The following KCNIP1 variants were observed in gnomAD, a reference collection of about 807,000 sequenced individuals.
KCNIP1 encodes potassium voltage-gated channel interacting protein 1, also known as A-type potassium channel modulatory protein KCNIP1.
Under a neutral mutation model 33.0 loss-of-function variants are expected in KCNIP1, and 18 were observed. The ratio of observed to expected loss-of-function variants is 0.55; its 90% CI spans 0.38 to 0.81. The LOEUF is 0.81. Ranked by LOEUF, KCNIP1 falls within the 30% of genes least tolerant of loss-of-function variation. KCNIP1 has a pLI of 0.00. For synonymous variants in KCNIP1, 93 were observed against 98.3 expected (o/e 0.95, Z 0.32); for missense variants, 238 against 271.6 (o/e 0.88, Z 0.87).
rs747108140 is a variant in KCNIP1, at chr5:170,722,686, T to C, written c.328-27T>C. The C allele has an allele frequency of 3.4e-6, 5 of 1,473,448 alleles. No individual in the cohort carries two copies. The Admixed American group carries it at 5.0e-5, about 15-fold the overall frequency. The allele number at this position is 1,473,448 out of a possible 1,614,324, so 91.3% of individuals were successfully genotyped here. A position where few individuals can be genotyped will look rare whatever the true frequency, so the allele number is the denominator to read the frequency against. ...CACTGTCTGATGGCTTGATGGTTAATGTCACTCTGCCTTTTCCCCTTCTCA... is the reference window on the plus strand; with the variant it reads ...CACTGTCTGATGGCTTGATGGTTAACGTCACTCTGCCTTTTCCCCTTCTCA... On this transcript the variant is annotated intron_variant, in intron 4 of 7. Coordinates refer to ENST00000328939, the MANE Select transcript of KCNIP1 (RefSeq NM_014592.4).
At chr5:170,417,749 CTGAACAT>C (rs1755368896) in intron 1 of KCNIP1, among the ~76,000 whole-genome samples, 2 of 152,184 alleles carry the variant, frequency 1.3e-5, no homozygotes, top group African/African-American at 4.8e-5. Context: ...GTCAAATCAC[CTGAACAT>C]AGAGTAGCAT....
intron 1 of KCNIP1, among the ~76,000 whole-genome samples, chr5:170,354,407 G>A (rs984691187): frequency 6.6e-6 from 1 of 152,200 alleles, no homozygotes; most frequent in African/African-American, 2.4e-5. Context: ...TGATGGGCCG[G>A]CATCTGCTTT....
chr5:170,454,333 G>A (rs1756323924), intron 1 of KCNIP1, among the ~76,000 whole-genome samples: 1 of 152,198 alleles, frequency 6.6e-6, no homozygotes, highest in Admixed American at 6.5e-5. Context: ...TTAAATTTTG[G>A]TATGCATACA....
chr5:170,472,296 T>A (rs1756747774), intron 1 of KCNIP1, among the ~76,000 whole-genome samples: 1 of 152,186 alleles, frequency 6.6e-6, no homozygotes, highest in South Asian at 2.1e-4. Context: ...CCCAGGCAGA[T>A]GGAGGCAAAA....
chr5:170,714,019 C>T (rs1273717922), intron 1 of KCNIP1, among the ~76,000 whole-genome samples: 1 of 149,222 alleles, frequency 6.7e-6, no homozygotes, highest in Non-Finnish European at 1.5e-5. Flanking sequence ...AGCAAAAATC[C>T]ATCTTAAAAA....
At chr5:170,649,085 A>G (rs1043780600) in intron 1 of KCNIP1, among the ~76,000 whole-genome samples, 1 of 152,210 alleles carries the variant, frequency 6.6e-6, no homozygotes, top group Non-Finnish European at 1.5e-5. Flanking sequence ...CCTACTTTGT[A>G]AATAGTTTGG....
chr5:170,415,212 G>A (rs1755296001), intron 1 of KCNIP1, among the ~76,000 whole-genome samples: 1 of 152,156 alleles, frequency 6.6e-6, no homozygotes, highest in Admixed American at 6.5e-5. Flanking sequence ...AGGAAGCCGG[G>A]GAGGGGTTTG....
intron 1 of KCNIP1, among the ~76,000 whole-genome samples, chr5:170,612,947 C>T (rs151187305): frequency 4.8e-4 from 73 of 152,286 alleles, no homozygotes; most frequent in Admixed American, 2.0e-3. Context: ...GCAATAGCCT[C>T]CTGAAGGTTC....
At chr5:170,419,176 T>A (rs540921585) in intron 1 of KCNIP1, among the ~76,000 whole-genome samples, 1 of 152,210 alleles carries the variant, frequency 6.6e-6, no homozygotes, top group Non-Finnish European at 1.5e-5. Flanking sequence ...TGTCCAGTGC[T>A]GACCTCTGAA....
intron 1 of KCNIP1, among the ~76,000 whole-genome samples, chr5:170,701,981 C>G (rs1481643934): frequency 6.6e-6 from 1 of 152,222 alleles, no homozygotes; most frequent in Non-Finnish European, 1.5e-5. Flanking sequence ...TATCCTAAAA[C>G]AGCGCCTCCC....
intron 1 of KCNIP1, among the ~76,000 whole-genome samples, chr5:170,533,314 GT>G (rs1755850380): frequency 6.6e-6 from 1 of 152,234 alleles, no homozygotes; most frequent in Non-Finnish European, 1.5e-5. Flanking sequence ...TGGAGGGAGG[GT>G]TAATGCCAGC....
chr5:170,689,970 T>A (rs1195489773), intron 1 of KCNIP1, among the ~76,000 whole-genome samples: 1 of 152,198 alleles, frequency 6.6e-6, no homozygotes, highest in Non-Finnish European at 1.5e-5. Flanking sequence ...AAAACCCTTC[T>A]TTTGTATGCA....
intron 5 of KCNIP1, among the ~76,000 whole-genome samples, chr5:170,730,533 TAA>T (rs143662294): frequency 1.3e-5 from 2 of 151,486 alleles, no homozygotes; most frequent in Admixed American, 1.3e-4. Context: ...TTTCTGTGAT[TAA>T]AAAAAAATAT....
chr5:170,534,930 G>T (rs1755922309), intron 1 of KCNIP1, among the ~76,000 whole-genome samples: 1 of 151,990 alleles, frequency 6.6e-6, no homozygotes. Flanking sequence ...GGCTGTGCTG[G>T]TTGCCTCGGT....
intron 1 of KCNIP1, among the ~76,000 whole-genome samples, chr5:170,480,641 T>C (rs1399357313): frequency 2.6e-5 from 4 of 151,976 alleles, no homozygotes; most frequent in African/African-American, 9.7e-5. Context: ...ATGGGGTCTC[T>C]CCATATTTCA....
Position 170,429,951 on chromosome 5 carries a change from C to T in KCNIP1, c.88+75987C>T, listed in dbSNP as rs1041392029. Among the ~76,000 whole-genome samples the T allele has an allele frequency of 1.6e-4, 25 of 152,208 alleles. 1 individual carries two copies. Among genetic ancestry groups the T allele is most frequent in the Admixed American group, 1.6e-3 (25 of 15,290 alleles). ...AATACACAAATCCATGAGGTAGACC[C>T]AGGTATTTCAGATCCTGACCTTGAT... On this transcript the variant is annotated intron_variant, in intron 1 of 7. Coordinates refer to the KCNIP1 transcript ENST00000377360.
At chr5:170,646,777 G>A (rs1190217533) in intron 1 of KCNIP1, among the ~76,000 whole-genome samples, 2 of 152,224 alleles carry the variant, frequency 1.3e-5, no homozygotes, top group East Asian at 3.9e-4. Context: ...TATACACATA[G>A]GGAAGGGAAA....
intron 1 of KCNIP1, among the ~76,000 whole-genome samples, chr5:170,619,082 G>A (rs993949039): frequency 9.2e-5 from 14 of 152,152 alleles, no homozygotes; most frequent in African/African-American, 1.4e-4. Context: ...TTGAAGAGAC[G>A]GATGGATAAC....
At chr5:170,733,348 T>A (rs1315266624) in intron 6 of KCNIP1, among the ~76,000 whole-genome samples, 1 of 152,116 alleles carries the variant, frequency 6.6e-6, no homozygotes, top group Non-Finnish European at 1.5e-5. Flanking sequence ...AAGGGAGTGG[T>A]ATAATCATTG....
Sources: allele counts gnomAD v4.1 joint callset (sites outside exome capture counted in the v4.1 genomes callset), GRCh38; gene constraint gnomAD v4.1.1; transcripts MANE v1.5; gene names NCBI Gene and HGNC (gene_info 2026-07-23, HGNC 2026-07-21).